The following DOCK1 variants were observed in gnomAD, a reference collection of about 807,000 sequenced individuals.
The protein encoded by DOCK1 is dedicator of cytokinesis protein 1.
A neutral mutation model predicts 262.7 loss-of-function variants in DOCK1; 138 were observed. The observed-to-expected ratio is 0.53, with a 90% CI of 0.46 to 0.61. The LOEUF is 0.61. Among genes scored for constraint, DOCK1 ranks in the 20% least tolerant of loss-of-function variants. DOCK1 has a pLI of 0.00. For synonymous variants in DOCK1, 866 were observed against 867.4 expected (o/e 1.00, Z 0.03); for missense variants, 1,908 against 2,370.7 (o/e 0.80, Z 4.05).
chr10:127,280,009 C>CATATATATATATATATAT lies in DOCK1; in HGVS notation c.3044+22588_3044+22605dup, dbSNP rs10525314. 1.8e-3 allele frequency among the ~76,000 whole-genome samples: 210 copies of CATATATATATATATATAT among 114,284 alleles called. 1 individual carries two copies. The highest frequency in any genetic ancestry group is 5.5e-3 in the Middle Eastern group (1 of 182). 75.0% of individuals were successfully genotyped at this position (114,284 alleles called of 152,430 possible). ...TTTTAGTGGTTTTAAAATTTTATTT[C>CATATATATATATATATAT]ATATATATATATATATATATATATA... On this transcript the variant is annotated intron_variant, in intron 29 of 51. Transcript: ENST00000623213.
chr10:126,975,134 A>G (rs923679564), intron 2 of DOCK1, among the ~76,000 whole-genome samples: 2 of 151,022 alleles, frequency 1.3e-5, no homozygotes. Flanking sequence ...TCTGTTTTTT[A>G]TTTTCCCTCG....
In DOCK1 at chr10:127,245,581, G is replaced by A. The variant is rs145199098; in HGVS notation, c.2848-2427G>A. On this transcript the variant is annotated intron_variant, in intron 27 of 51. Coordinates refer to ENST00000623213, the MANE Select transcript of DOCK1 (RefSeq NM_001290223.2). The stretch of plus-strand genomic sequence containing the variant: ...ATTGCTGTGTTCGCTTCAGTTTTTC[G>A]TTTTCTGTGTTACAACGGTTTTGGC... 6.7e-3 allele frequency among the ~76,000 whole-genome samples: 1,026 copies of A among 152,258 alleles called. 6 individuals are homozygous for A. The highest frequency in any genetic ancestry group is 0.024 in the Middle Eastern group (7 of 294).
At chr10:127,009,474 G>A (rs1413246924) in intron 11 of DOCK1, among the ~76,000 whole-genome samples, 1 of 152,146 alleles carries the variant, frequency 6.6e-6, no homozygotes. Context: ...AGTGTACCCA[G>A]ATGATGGTCG....
chr10:127,394,838 C>T (rs989781356), intron 38 of DOCK1, among the ~76,000 whole-genome samples: 5 of 152,082 alleles, frequency 3.3e-5, no homozygotes, highest in East Asian at 3.9e-4. Context: ...CACCTCGAGG[C>T]GATTCTAGCA....
intron 1 of DOCK1, among the ~76,000 whole-genome samples, chr10:126,940,700 G>C (rs1479143480): frequency 6.6e-6 from 1 of 152,184 alleles, no homozygotes; most frequent in Non-Finnish European, 1.5e-5. Flanking sequence ...CACTGCGCCT[G>C]GCCCAAAGTA....
chr10:126,917,621 C>T (rs886138766), intron 1 of DOCK1, among the ~76,000 whole-genome samples: 1 of 152,202 alleles, frequency 6.6e-6, no homozygotes, highest in African/African-American at 2.4e-5. Flanking sequence ...CTGCTGGCCT[C>T]ATCACATTGG....
At chr10:127,271,807 G>T (rs2060578604) in intron 29 of DOCK1, among the ~76,000 whole-genome samples, 1 of 152,214 alleles carries the variant, frequency 6.6e-6, no homozygotes, top group Non-Finnish European at 1.5e-5. Flanking sequence ...AAATACTTTT[G>T]TAGCAGTTCA....
chr10:126,932,940 C>T (rs1003664236), intron 1 of DOCK1, among the ~76,000 whole-genome samples: 87 of 152,174 alleles, frequency 5.7e-4, no homozygotes, highest in Non-Finnish European at 1.1e-3. Flanking sequence ...TGGGGTCTCT[C>T]GTATATGTGT....
At chr10:127,339,668 G>A (rs550181959) in intron 30 of DOCK1, among the ~76,000 whole-genome samples, 30 of 145,062 alleles carry the variant, frequency 2.1e-4, no homozygotes, top group African/African-American at 7.4e-4. Context: ...CATGCATGCT[G>A]TAAGGATTGA....
chr10:127,425,647 G>T (rs141000654), intron 46 of DOCK1, among the ~76,000 whole-genome samples: 1 of 152,292 alleles, frequency 6.6e-6, no homozygotes, highest in African/African-American at 2.4e-5. Flanking sequence ...CTGAGTAGCC[G>T]TGGTGTAGGG....
At chr10:127,336,153 G>C (rs978255159) in intron 29 of DOCK1, among the ~76,000 whole-genome samples, 2 of 152,114 alleles carry the variant, frequency 1.3e-5, no homozygotes, top group Non-Finnish European at 2.9e-5. Context: ...TTACCTAAAA[G>C]TTAGTCTCTG....
chr10:126,978,093 C>T, intron 3 of DOCK1, 105 bp downstream of exon 3: 1 of 1,147,190 alleles, frequency 8.7e-7, no homozygotes, highest in Non-Finnish European at 1.3e-6. Flanking sequence ...TTCTATATCT[C>T]TTTCTCTGAA....
At position 127,248,018 on chromosome 10, in the gene DOCK1, T is replaced by C; in HGVS notation, c.2858T>C (p.Val953Ala). Residue 953 changes from valine (V) to alanine (A), a missense_variant, in exon 28 of 52, where the codon GTG becomes GCG. By Grantham distance (64) the Val-to-Ala change is moderately conservative. Transcript: ENST00000623213. ...GRDSELIGNF[V>A]ACMTAILRQM... Reference sequence around the variant, plus strand: ...TTGATTCATTTACAGGGAAACTTCGTGGCTTGCATGACAGCTATTTTACGA... The same window carrying C: ...TTGATTCATTTACAGGGAAACTTCGCGGCTTGCATGACAGCTATTTTACGA... 1 of 1,613,922 alleles carries C rather than the reference T, an allele frequency of 6.2e-7. No individual in the cohort carries two copies. Among genetic ancestry groups the C allele is most frequent in the Non-Finnish European group, 8.5e-7 (1 of 1,179,868 alleles).
intron 23 of DOCK1, among the ~76,000 whole-genome samples, chr10:127,064,748 C>T (rs1232160276): frequency 2.0e-5 from 3 of 152,186 alleles, no homozygotes; most frequent in Non-Finnish European, 2.9e-5. Flanking sequence ...AACATACTGC[C>T]GTGGCCAAAT....
At chr10:127,351,303 A>G (rs535804727) in intron 31 of DOCK1, among the ~76,000 whole-genome samples, 1 of 151,840 alleles carries the variant, frequency 6.6e-6, no homozygotes, top group Admixed American at 6.6e-5. Flanking sequence ...GCTCTAGGCC[A>G]TCCTGGCTCG....
intron 29 of DOCK1, among the ~76,000 whole-genome samples, chr10:127,273,546 G>T (rs1278617662): frequency 1.3e-5 from 2 of 152,178 alleles, no homozygotes; most frequent in African/African-American, 2.4e-5. Context: ...CCATCTCATT[G>T]CCATCTGATG....
intron 1 of DOCK1, among the ~76,000 whole-genome samples, chr10:126,915,670 C>G (rs2032398741): frequency 6.6e-6 from 1 of 152,188 alleles, no homozygotes; most frequent in Admixed American, 6.5e-5. Flanking sequence ...CCAGGATGGT[C>G]TCGATCTCCT....
chr10:127,317,987 G>A (rs539425180), intron 29 of DOCK1, among the ~76,000 whole-genome samples: 1 of 152,128 alleles, frequency 6.6e-6, no homozygotes, highest in Non-Finnish European at 1.5e-5. Flanking sequence ...AAGGTGGGTG[G>A]CATCTTTAAT....
At chr10:127,101,830 G>A (rs1190347072) in intron 23 of DOCK1, among the ~76,000 whole-genome samples, 1 of 152,204 alleles carries the variant, frequency 6.6e-6, no homozygotes, top group Non-Finnish European at 1.5e-5. Context: ...CATGAAGCCA[G>A]TTCGTGCCTC....
Sources: gnomAD v4.1 joint callset for allele counts (sites outside exome capture counted in the v4.1 genomes callset) on GRCh38, gnomAD v4.1.1 for gene constraint, MANE v1.5 for transcripts, NCBI Gene and HGNC (gene_info 2026-07-23, HGNC 2026-07-21) for gene names.